Variants in TRAIP observed in about 807,000 individuals in gnomAD.
TRAIP encodes E3 ubiquitin-protein ligase TRAIP.
Under a neutral mutation model 65.0 loss-of-function variants are expected in TRAIP, and 37 were observed. The observed-to-expected ratio is 0.57, with a 90% CI of 0.44 to 0.75. The LOEUF is 0.75. TRAIP is among the 30% of genes least tolerant of loss of function. TRAIP has a pLI of 0.00. For synonymous variants in TRAIP, 187 were observed against 219.1 expected (o/e 0.85, Z 1.29); for missense variants, 481 against 579.4 (o/e 0.83, Z 1.74).
At position 49,850,650 on chromosome 3, in the gene TRAIP, A is replaced by ATTTTT. The variant is rs869237477; in HGVS notation, c.99-2455_99-2451dup. On this transcript the variant is annotated intron_variant, in intron 1 of 14. Transcript: ENST00000331456. ...GTTTCTAGAGCTGATAATAGTCTGC[A>ATTTTT]TTTTTTTTTTTTTTTTTTTTTTGAG... is the stretch of plus-strand genomic sequence containing the variant. Among the ~76,000 whole-genome samples, 241 of 90,680 alleles carry ATTTTT rather than the reference A, an allele frequency of 2.7e-3. 12 individuals are homozygous for ATTTTT. The highest frequency in any genetic ancestry group is 3.3e-3 in the Non-Finnish European group (157 of 48,198). The allele number at this position is 90,680 out of a possible 152,430, so 59.5% of individuals were successfully genotyped here.
chr3:49,829,766 C>A lies in TRAIP; in HGVS notation c.1087G>T (p.Glu363Ter). 2 of 1,613,984 alleles carry A rather than the reference C, an allele frequency of 1.2e-6. No individual in the cohort carries two copies. Residue 363 changes from glutamate (E) to a stop codon, truncating the protein, a stop_gained and splice_region_variant, in exon 13 of 15, where the codon GAG becomes TAG. Transcript: ENST00000331456. LOFTEE classifies it high-confidence loss of function. ...TGGCCACCCAGTGAGAGCTGGGACTCCTGCAGGGAAGACCCCAGGGCCAGA... is the reference window on the plus strand; with the variant it reads ...TGGCCACCCAGTGAGAGCTGGGACTACTGCAGGGAAGACCCCAGGGCCAGA... Reference protein sequence around the residue: ...PKKICKGPRKESQLSLGGQSC... With the variant: ...PKKICKGPRK
Position 49,829,445 on chromosome 3 carries a change from A to G in TRAIP, c.1287+13T>C, listed in dbSNP as rs753483669. Reference sequence around the variant, plus strand: ...ACAGTTCAGCTCAGCTCAACATCACAGGAAAAGGATACAGGCTGGATGAAT... The same window carrying G: ...ACAGTTCAGCTCAGCTCAACATCACGGGAAAAGGATACAGGCTGGATGAAT... On this transcript the variant is annotated intron_variant, in intron 14 of 14. Transcript: ENST00000331456. The G allele has an allele frequency of 1.1e-5, 17 of 1,614,040 alleles. No homozygotes were observed. The highest frequency in any genetic ancestry group is 1.4e-5 in the Non-Finnish European group (16 of 1,180,040).
In TRAIP at chr3:49,840,146, C is replaced by T. The variant is rs573913009; in HGVS notation, c.795+138G>A. On this transcript the variant is annotated intron_variant, in intron 9 of 14. Coordinates refer to ENST00000331456, the MANE Select transcript of TRAIP (RefSeq NM_005879.3). ...CAGTCCGGACCAGGGCCAAGGGGCACACCCTGACCCAGGAGGATGCAGGGG... is the reference window on the plus strand; with the variant it reads ...CAGTCCGGACCAGGGCCAAGGGGCATACCCTGACCCAGGAGGATGCAGGGG... 13 of 814,786 alleles carry T rather than the reference C, an allele frequency of 1.6e-5. No individual in the cohort carries two copies. The African/African-American group carries it at 1.9e-4, about 12-fold the overall frequency. 50.5% of individuals were successfully genotyped at this position (814,786 alleles called of 1,614,324 possible).
At chr3:49,836,538 G>A (rs868803972) in intron 10 of TRAIP, among the ~76,000 whole-genome samples, 30 of 141,764 alleles carry the variant, frequency 2.1e-4, no homozygotes, top group Middle Eastern at 3.4e-3. Flanking sequence ...AAAAAGCAAA[G>A]CAAAGCAAAG....
chr3:49,851,639 C>T (rs1348098095), intron 1 of TRAIP, among the ~76,000 whole-genome samples: 1 of 152,050 alleles, frequency 6.6e-6, no homozygotes, highest in Admixed American at 6.5e-5. Context: ...TCAAGCAATC[C>T]AGCCACCTCC....
intron 10 of TRAIP, among the ~76,000 whole-genome samples, chr3:49,834,053 C>G (rs1173754683): frequency 1.3e-5 from 2 of 152,126 alleles, no homozygotes; most frequent in African/African-American, 4.8e-5. Flanking sequence ...CTCCCCTTTC[C>G]AGAACAGAGC....
chr3:49,856,466 C>A lies in TRAIP; in HGVS notation c.-13G>T, dbSNP rs753961786. The A allele has an allele frequency of 6.2e-7, 1 of 1,611,262 alleles. No individual in the cohort carries two copies. The highest frequency in any genetic ancestry group is 1.7e-5 in the Admixed American group (1 of 59,662). ...CACGGATAGGCATGATGGCTGGACT[C>A]AAGGGGCCCAGGCAGCCAAAGAAAC... On this transcript the variant is annotated 5_prime_UTR_variant, in exon 1 of 15. Transcript: ENST00000331456.
intron 10 of TRAIP, among the ~76,000 whole-genome samples, chr3:49,838,928 C>G (rs1399085385): frequency 6.6e-6 from 1 of 151,344 alleles, no homozygotes; most frequent in Non-Finnish European, 1.5e-5. Context: ...CAGTGGCTCA[C>G]GCCTGTAATC....
rs781345953 is a variant in TRAIP, at chr3:49,829,996, G to C, written c.1086+24C>G. The C allele has an allele frequency of 3.1e-6, 5 of 1,613,890 alleles. No individual in the cohort carries two copies. In the African/African-American group the frequency reaches 6.7e-5, roughly 22 times the overall value. ...GTCCAGTCCTGCCAAAGGTTAGACT[G>C]TGCTTCTTCTAGAAAGCTCTTACCT... On this transcript the variant is annotated intron_variant, in intron 12 of 14. Coordinates refer to ENST00000331456, the MANE Select transcript of TRAIP (RefSeq NM_005879.3).
rs1201777998 is a variant in TRAIP at position 49,828,895 on chromosome 3, G to C, written c.*208C>G. The C allele has an allele frequency of 1.6e-6, 1 of 617,166 alleles. No individual in the cohort carries two copies. Among genetic ancestry groups the C allele is most frequent in the Non-Finnish European group, 2.8e-6 (1 of 351,924 alleles). 38.2% of individuals were successfully genotyped at this position (617,166 alleles called of 1,614,324 possible). ...ACCTGCTGACAGGATCAGTGGGCTG[G>C]TCATGTCAGCTCCCAGTCGTAGGAG... On this transcript the variant is annotated 3_prime_UTR_variant, in exon 15 of 15. Coordinates refer to ENST00000331456, the MANE Select transcript of TRAIP (RefSeq NM_005879.3).
intron 10 of TRAIP, among the ~76,000 whole-genome samples, chr3:49,838,853 T>G (rs1006324095): frequency 1.3e-5 from 2 of 148,328 alleles, no homozygotes; most frequent in African/African-American, 5.0e-5. Context: ...ACCACTGTAC[T>G]CCAGTCTGGG....
chr3:49,840,302 A>C lies in TRAIP; in HGVS notation c.777T>G (p.Ser259Arg). Residue 259 changes from serine to arginine, a missense_variant, in exon 9 of 15, where the codon AGT (serine) becomes AGG (arginine). By Grantham distance (110) the Ser-to-Arg change is moderately radical. Transcript: ENST00000331456. ...ELKSAQKDLQ[S>R]ADKEIMSLKK... ...CCCTCACCATGATTTCCTTGTCAGC[A>C]CTCTGTAAGTCCTTCTGGGCTGACT... The C allele has an allele frequency of 6.2e-7, 1 of 1,613,994 alleles. No homozygotes were observed. The highest frequency in any genetic ancestry group is 8.5e-7 in the Non-Finnish European group (1 of 1,179,912).
Position 49,828,773 on chromosome 3 carries a change from C to T in TRAIP, c.*330G>A. 3 of 308,226 alleles carry T rather than the reference C, an allele frequency of 9.7e-6. No individual in the cohort carries two copies. In the South Asian group the frequency reaches 1.0e-4, roughly 11 times the overall value. 19.1% of individuals were successfully genotyped at this position (308,226 alleles called of 1,614,324 possible). On this transcript the variant is annotated 3_prime_UTR_variant, in exon 15 of 15. Transcript: ENST00000331456. ...GAGATGCCTCAAGCACTCTGGTCCA[C>T]AGAGACAGTCAACAAGTGACCGTGG...
intron 12 of TRAIP, 70 bp downstream of exon 12, chr3:49,829,950 C>A: frequency 6.2e-7 from 1 of 1,603,832 alleles, no homozygotes; most frequent in Non-Finnish European, 8.5e-7. Flanking sequence ...AAGGCTCTGG[C>A]AAGACCGTGC....
At chr3:49,840,195 C>T in intron 9 of TRAIP, 89 bp downstream of exon 9, 4 of 1,222,938 alleles carry the variant, frequency 3.3e-6, no homozygotes, top group South Asian at 2.5e-5. Context: ...CTGACTGGTG[C>T]AAGGGTCCTG....
At chr3:49,830,143 C>A in intron 11 of TRAIP, 75 bp from the exon 12 acceptor site, 1 of 1,523,880 alleles carries the variant, frequency 6.6e-7, no homozygotes. Flanking sequence ...CAGCACACGC[C>A]CCTTGGGGAG....
At chr3:49,841,206 A>G in intron 7 of TRAIP, 134 bp from the exon 8 acceptor site, 3 of 738,180 alleles carry the variant, frequency 4.1e-6, no homozygotes, top group South Asian at 3.2e-5. Context: ...CCTGAGCCCA[A>G]CAAGTACCAG....
intron 1 of TRAIP, among the ~76,000 whole-genome samples, chr3:49,855,897 G>A (rs1434873027): frequency 2.6e-5 from 4 of 152,234 alleles, no homozygotes; most frequent in African/African-American, 9.6e-5. Context: ...CGGGTTTGCT[G>A]ACATGGCGAA....
chr3:49,832,181 A>C (rs2081740151), intron 10 of TRAIP, 113 bp from the exon 11 acceptor site: 3 of 1,242,578 alleles, frequency 2.4e-6, no homozygotes, highest in Non-Finnish European at 2.1e-6. Flanking sequence ...CTCCTGACTC[A>C]AGGCCACCCC....
Sources: gnomAD v4.1 joint callset for allele counts (sites outside exome capture counted in the v4.1 genomes callset) on GRCh38, gnomAD v4.1.1 for gene constraint, MANE v1.5 for transcripts, NCBI Gene and HGNC (gene_info 2026-07-23, HGNC 2026-07-21) for gene names.